The following EPB41L5 variants were observed in gnomAD, a reference collection of about 807,000 sequenced individuals.
The protein encoded by EPB41L5 is erythrocyte membrane protein band 4.1 like 5.
Under a neutral mutation model 106.6 loss-of-function variants are expected in EPB41L5, and 55 were observed. The observed-to-expected ratio is 0.52, with a 90% CI of 0.42 to 0.65. The LOEUF is 0.65. EPB41L5 is among the 30% of genes least tolerant of loss of function. The pLI is 0.00. For synonymous variants in EPB41L5, 297 were observed against 306.7 expected (o/e 0.97, Z 0.33); for missense variants, 871 against 882.1 (o/e 0.99, Z 0.16).
intron 2 of EPB41L5, among the ~76,000 whole-genome samples, chr2:120,040,148 C>T (rs1335581880): frequency 6.6e-6 from 1 of 151,486 alleles, no homozygotes; most frequent in Non-Finnish European, 1.5e-5. Context: ...ACGTAGGAAA[C>T]TTAAAATGAC....
chr2:120,074,400 A>C, intron 5 of EPB41L5: 1 of 434,750 alleles, frequency 2.3e-6, no homozygotes, highest in Non-Finnish European at 4.1e-6. Flanking sequence ...CATCCTCCAA[A>C]GGTGACTAGT....
At chr2:120,051,248 C>T (rs1322433719) in intron 3 of EPB41L5, among the ~76,000 whole-genome samples, 5 of 152,210 alleles carry the variant, frequency 3.3e-5, no homozygotes, top group African/African-American at 1.2e-4. Flanking sequence ...GCCCTGCCCC[C>T]AGAGGTGGAG....
chr2:120,078,723 A>C, intron 10 of EPB41L5, 142 bp downstream of exon 10: 5 of 545,018 alleles, frequency 9.2e-6, no homozygotes, highest in East Asian at 6.6e-5. Context: ...TCACACTATT[A>C]CGCATCATTA....
chr2:120,140,870 TA>T (rs1483721467), intron 18 of EPB41L5, among the ~76,000 whole-genome samples: 2 of 152,098 alleles, frequency 1.3e-5, no homozygotes, highest in Non-Finnish European at 2.9e-5. Context: ...GTTGTTTGCT[TA>T]AGGAATGCAA....
chr2:120,030,876 A>T (rs993794757), intron 2 of EPB41L5, among the ~76,000 whole-genome samples: 3 of 150,560 alleles, frequency 2.0e-5, no homozygotes, highest in African/African-American at 4.9e-5. Context: ...TTATTTTATT[A>T]ATTAATTAAT....
At chr2:120,074,254 T>A in intron 5 of EPB41L5, 76 bp downstream of exon 5, 1 of 1,086,612 alleles carries the variant, frequency 9.2e-7, no homozygotes, top group Non-Finnish European at 1.3e-6. Context: ...GTTTCCAATT[T>A]ATAGCCAGCT....
intron 10 of EPB41L5, among the ~76,000 whole-genome samples, chr2:120,086,819 A>G (rs1039415070): frequency 2.6e-5 from 4 of 152,238 alleles, no homozygotes; most frequent in Non-Finnish European, 4.4e-5. Context: ...GGTCGTTCCT[A>G]TGTCTAGTTC....
intron 17 of EPB41L5, among the ~76,000 whole-genome samples, chr2:120,129,671 G>A (rs999389693): frequency 1.3e-5 from 2 of 152,046 alleles, no homozygotes; most frequent in African/African-American, 2.4e-5. Context: ...AAATGAACTA[G>A]GAATGCTTAA....
In EPB41L5 at chr2:120,021,046, C is replaced by T. The variant is rs142766724; in HGVS notation, c.180+1782C>T. 3.9e-5 allele frequency among the ~76,000 whole-genome samples: 6 copies of T among 152,218 alleles called. No individual in the cohort carries two copies. In the East Asian group the frequency reaches 1.2e-3, roughly 29 times the overall value. On this transcript the variant is annotated intron_variant, in intron 2 of 24. Transcript: ENST00000263713. ...GATATAGATTGGACTTTTTGTGAAA[C>T]AAGAACAGTTGTCAGCCAGGTGCAG...
At chr2:120,102,258 T>C (rs970014860) in intron 16 of EPB41L5, among the ~76,000 whole-genome samples, 3 of 152,214 alleles carry the variant, frequency 2.0e-5, no homozygotes, top group African/African-American at 7.2e-5. Flanking sequence ...TAGGTACTAC[T>C]TGGTTTCTTT....
At chr2:120,165,985 A>AAAAAAC (rs1687386954) in intron 22 of EPB41L5, among the ~76,000 whole-genome samples, 9 of 151,272 alleles carry the variant, frequency 5.9e-5, no homozygotes, top group Admixed American at 2.0e-4. Context: ...AAAAAAAAAA[A>AAAAAAC]AAAAAAAAAC....
intron 5 of EPB41L5, among the ~76,000 whole-genome samples, chr2:120,075,033 G>T (rs1682133474): frequency 6.6e-6 from 1 of 152,162 alleles, no homozygotes; most frequent in Non-Finnish European, 1.5e-5. Flanking sequence ...TCGCCATGTT[G>T]GCCAGGCTGG....
intron 18 of EPB41L5, among the ~76,000 whole-genome samples, chr2:120,139,162 T>C (rs1431175016): frequency 4.6e-5 from 7 of 151,990 alleles, no homozygotes; most frequent in Admixed American, 4.6e-4. Context: ...CTCTGCCATA[T>C]ACAAAAATCA....
chr2:120,037,363 C>A (rs1279210089), intron 2 of EPB41L5, among the ~76,000 whole-genome samples: 2 of 152,076 alleles, frequency 1.3e-5, no homozygotes, highest in African/African-American at 2.4e-5. Flanking sequence ...AAATGCAATT[C>A]CTATCAAAAT....
chr2:120,074,482 A>G (rs958561086), intron 5 of EPB41L5: 3 of 213,708 alleles, frequency 1.4e-5, no homozygotes, highest in African/African-American at 4.6e-5. Context: ...ATACATTGCA[A>G]TATTATATTT....
intron 20 of EPB41L5, among the ~76,000 whole-genome samples, chr2:120,159,584 C>T (rs1304567031): frequency 1.3e-5 from 2 of 152,024 alleles, no homozygotes; most frequent in Non-Finnish European, 2.9e-5. Context: ...AAAAAAAAGC[C>T]CAAATAGCCA....
chr2:120,163,267 C>T (rs12469237), intron 21 of EPB41L5, among the ~76,000 whole-genome samples: 2 of 139,538 alleles, frequency 1.4e-5, no homozygotes, highest in East Asian at 2.1e-4. Flanking sequence ...TGCCCCCCCC[C>T]CCCCCAAAAA....
chr2:120,089,133 T>C (rs1184438688), intron 11 of EPB41L5, among the ~76,000 whole-genome samples: 1 of 152,174 alleles, frequency 6.6e-6, no homozygotes, highest in Non-Finnish European at 1.5e-5. Context: ...TCAGGGTAAT[T>C]AGCGTATCCA....
At chr2:120,075,657 GT>G in intron 6 of EPB41L5, 43 bp from the exon 7 acceptor site, 1 of 1,529,856 alleles carries the variant, frequency 6.5e-7, no homozygotes. Context: ...TAAAATGAAG[GT>G]TATGAAATCA....
Sources: gnomAD v4.1 joint callset for allele counts (sites outside exome capture counted in the v4.1 genomes callset) on GRCh38, gnomAD v4.1.1 for gene constraint, MANE v1.5 for transcripts, NCBI Gene and HGNC (gene_info 2026-07-23, HGNC 2026-07-21) for gene names.